CDKN2B-AS1: variants seen among roughly 807,000 people sequenced by gnomAD.
CDKN2B-AS1 encodes CDKN2B and CDKN2A antisense cis and trans regulatory RNA 1, also known as CDKN2B antisense RNA 1 (non-protein coding).
intron 4 of CDKN2B-AS1, among the ~76,000 whole-genome samples, chr9:22,064,795 C>T (rs557417554): frequency 2.4e-4 from 37 of 152,058 alleles, no homozygotes; most frequent in Non-Finnish European, 5.0e-4. Context: ...GCCAAACACA[C>T]AATGGTTTTC....
chr9:22,052,675 T>C (rs1198695514), intron 3 of CDKN2B-AS1, among the ~76,000 whole-genome samples: 1 of 152,210 alleles, frequency 6.6e-6, no homozygotes, highest in Non-Finnish European at 1.5e-5. Flanking sequence ...CCCAGGACAT[T>C]AGTCAGCCCA....
chr9:22,045,676 T>A (rs1042528487), intron 1 of CDKN2B-AS1, among the ~76,000 whole-genome samples: 1 of 152,052 alleles, frequency 6.6e-6, no homozygotes, highest in Non-Finnish European at 1.5e-5. Flanking sequence ...TTTGCCACAA[T>A]GAAGGTCAAA....
intron 4 of CDKN2B-AS1, among the ~76,000 whole-genome samples, chr9:22,100,497 C>T (rs759839077): frequency 1.3e-5 from 2 of 152,036 alleles, no homozygotes; most frequent in African/African-American, 2.4e-5. Context: ...TACTTCATTC[C>T]TTTTTATTTG....
At chr9:22,009,663 T>A (rs1351347608) in intron 1 of CDKN2B-AS1, among the ~76,000 whole-genome samples, 1 of 152,230 alleles carries the variant, frequency 6.6e-6, no homozygotes, top group Non-Finnish European at 1.5e-5. Context: ...GGTGGCTCCC[T>A]TGTGACCGAG....
intron 4 of CDKN2B-AS1, among the ~76,000 whole-genome samples, chr9:22,123,158 C>A (rs1033123220): frequency 5.1e-4 from 77 of 152,020 alleles, no homozygotes; most frequent in Non-Finnish European, 2.5e-4. Context: ...TCAGCTAGTT[C>A]ATTGTTCATG....
At chr9:22,025,672 G>T (rs1822203517) in intron 1 of CDKN2B-AS1, among the ~76,000 whole-genome samples, 1 of 152,206 alleles carries the variant, frequency 6.6e-6, no homozygotes, top group Non-Finnish European at 1.5e-5. Context: ...CTGCGAAACA[G>T]CAAAGATGGT....
chr9:22,080,702 G>A (rs1472656382), intron 4 of CDKN2B-AS1, among the ~76,000 whole-genome samples: 1 of 152,224 alleles, frequency 6.6e-6, no homozygotes, highest in Non-Finnish European at 1.5e-5. Context: ...ACCTGTTGAA[G>A]GCTTTTTGTA....
At chr9:22,079,436 C>T (rs73448370) in intron 4 of CDKN2B-AS1, among the ~76,000 whole-genome samples, 6,547 of 150,612 alleles carry the variant, frequency 0.043, 366 homozygotes, top group African/African-American at 0.13. Context: ...TACAGTAAGC[C>T]GAGACTGTGC....
intron 1 of CDKN2B-AS1, among the ~76,000 whole-genome samples, chr9:22,042,890 A>G (rs577969187): frequency 6.6e-6 from 1 of 152,226 alleles, no homozygotes; most frequent in East Asian, 1.9e-4. Context: ...CTTAATATGT[A>G]TGACTGAGTG....
intron 4 of CDKN2B-AS1, chr9:22,064,109 G>T (rs905046711): frequency 3.3e-5 from 5 of 152,158 alleles, no homozygotes; most frequent in African/African-American, 1.2e-4. Context: ...ACAGATTGAG[G>T]GTGTTGGGTG....
intron 4 of CDKN2B-AS1, chr9:22,117,957 G>A (rs1054418716): frequency 2.6e-5 from 4 of 152,230 alleles, no homozygotes; most frequent in African/African-American, 4.8e-5. Context: ...GAGATTTTAC[G>A]TCCTGTAACA....
At chr9:22,114,171 C>T (rs931862471) in intron 4 of CDKN2B-AS1, among the ~76,000 whole-genome samples, 5 of 152,230 alleles carry the variant, frequency 3.3e-5, no homozygotes, top group African/African-American at 1.2e-4. Context: ...TCCTCTCCCA[C>T]TGTCACAGCC....
At chr9:22,013,797 T>A (rs1420750379) in intron 1 of CDKN2B-AS1, among the ~76,000 whole-genome samples, 1 of 152,308 alleles carries the variant, frequency 6.6e-6, no homozygotes, top group East Asian at 1.9e-4. Flanking sequence ...GCCTTCTTTT[T>A]TTTTCTTTCA....
At chr9:22,068,483 A>G (rs1038133268) in intron 4 of CDKN2B-AS1, among the ~76,000 whole-genome samples, 9 of 152,206 alleles carry the variant, frequency 5.9e-5, no homozygotes, top group Non-Finnish European at 1.0e-4. Flanking sequence ...GTCCCGGCAG[A>G]TGAGACACTA....
intron 1 of CDKN2B-AS1, among the ~76,000 whole-genome samples, chr9:22,010,271 T>C (rs1821432049): frequency 6.6e-6 from 1 of 152,214 alleles, no homozygotes; most frequent in Non-Finnish European, 1.5e-5. Flanking sequence ...TAGGTGAGTT[T>C]GAATCAACAT....
At chr9:22,105,880 G>T (rs1265970521) in intron 4 of CDKN2B-AS1, among the ~76,000 whole-genome samples, 1 of 152,194 alleles carries the variant, frequency 6.6e-6, no homozygotes, top group African/African-American at 2.4e-5. Flanking sequence ...TACTAACTGG[G>T]TTACTTTGGT....
intron 4 of CDKN2B-AS1, among the ~76,000 whole-genome samples, chr9:22,056,566 C>A (rs916092888): frequency 6.6e-6 from 1 of 152,022 alleles, no homozygotes; most frequent in African/African-American, 2.4e-5. Flanking sequence ...TTTTTGAACC[C>A]CTGCTTACTC....
intron 2 of CDKN2B-AS1, among the ~76,000 whole-genome samples, chr9:22,048,014 C>G (rs914370512): frequency 2.6e-5 from 4 of 151,288 alleles, no homozygotes; most frequent in Non-Finnish European, 5.9e-5. Flanking sequence ...AGGCTGGTCT[C>G]GAGCTCCTAG....
At chr9:22,056,194 A>G (rs1297631881) in intron 3 of CDKN2B-AS1, 1 of 141,830 alleles carries the variant, frequency 7.1e-6, no homozygotes, top group East Asian at 2.1e-4. Flanking sequence ...CATCCAGCTA[A>G]TTTATATATG....
Sources: gnomAD v4.1 joint callset for allele counts (sites outside exome capture counted in the v4.1 genomes callset) on GRCh38, gnomAD v4.1.1 for gene constraint, MANE v1.5 for transcripts, NCBI Gene and HGNC (gene_info 2026-07-23, HGNC 2026-07-21) for gene names.